TTC28: variants seen among roughly 807,000 people sequenced by gnomAD.
TTC28 encodes the protein tetratricopeptide repeat protein 28.
Under a neutral mutation model 198.0 loss-of-function variants are expected in TTC28, and 61 were observed. The observed-to-expected ratio is 0.31, with a 90% CI of 0.25 to 0.38. TTC28 has a LOEUF of 0.38. Ranked by LOEUF, TTC28 falls within the 10% of genes least tolerant of loss-of-function variation. The pLI, the probability that TTC28 is intolerant of heterozygous loss-of-function variation, is 1.00. For synonymous variants in TTC28, 1,171 were observed against 1,297.8 expected, an observed-to-expected ratio of 0.90 and a Z score of 2.10; for missense variants, 2,678 against 3,164.0, an observed-to-expected ratio of 0.85 and a Z score of 3.69.
At chr22:28,384,431 C>T (rs184218450) in intron 2 of TTC28, among the ~76,000 whole-genome samples, 130 of 152,252 alleles carry the variant, frequency 8.5e-4, no homozygotes, top group Middle Eastern at 3.4e-3. Flanking sequence ...CTTTATTCTT[C>T]TTCTGAGTAC....
chr22:28,462,815 T>A (rs2047967885), intron 2 of TTC28, among the ~76,000 whole-genome samples: 1 of 152,138 alleles, frequency 6.6e-6, no homozygotes, highest in Non-Finnish European at 1.5e-5. Context: ...AGAACACAGA[T>A]CATTAGGTCC....
At chr22:28,106,241 C>G (rs1942298257) in intron 7 of TTC28, among the ~76,000 whole-genome samples, 1 of 152,188 alleles carries the variant, frequency 6.6e-6, no homozygotes, top group South Asian at 2.1e-4. Context: ...TGCCCTTCCT[C>G]CACTCCAGGA....
chr22:28,527,059 A>G (rs952486512), intron 2 of TTC28, among the ~76,000 whole-genome samples: 6 of 152,086 alleles, frequency 3.9e-5, no homozygotes, highest in Non-Finnish European at 8.8e-5. Flanking sequence ...CACCCAGCCT[A>G]TTCTAGGTTT....
intron 17 of TTC28, among the ~76,000 whole-genome samples, chr22:27,993,779 C>G (rs1344408622): frequency 6.6e-6 from 1 of 152,156 alleles, no homozygotes; most frequent in Admixed American, 6.5e-5. Context: ...CCTAAACCAA[C>G]CCCTTCCACA....
chr22:28,426,722 G>A lies in TTC28; in HGVS notation c.382-120079C>T, dbSNP rs575663698. On this transcript the variant is annotated intron_variant, in intron 2 of 22. Transcript: ENST00000397906. ...CAAGACAAGGGCTGAGAGACTCAAC[G>A]ACCTTCCTTGACCTCCCCTCTAATC... Among the ~76,000 whole-genome samples the A allele has an allele frequency of 1.4e-3, 214 of 152,158 alleles. 1 individual carries two copies. The highest frequency in any genetic ancestry group is 3.8e-3 in the African/African-American group (158 of 41,526).
intron 1 of TTC28, among the ~76,000 whole-genome samples, chr22:28,648,221 C>CAAAAAAAAAAAAAAAAA (rs34510876): frequency 1.6e-5 from 1 of 62,486 alleles, no homozygotes; most frequent in African/African-American, 5.9e-5. Context: ...GAGACTCTGT[C>CAAAAAAAAAAAAAAAAA]AAAAAAAAAA....
chr22:27,987,462 T>C (rs1401321351), intron 21 of TTC28, among the ~76,000 whole-genome samples: 1 of 152,228 alleles, frequency 6.6e-6, no homozygotes, highest in Non-Finnish European at 1.5e-5. Flanking sequence ...CCAGGTGCGG[T>C]GGCTCACGCC....
At chr22:28,057,980 T>C (rs1270213436) in intron 12 of TTC28, among the ~76,000 whole-genome samples, 1 of 152,322 alleles carries the variant, frequency 6.6e-6, no homozygotes, top group East Asian at 1.9e-4. Context: ...CCACACTGTC[T>C]TGATTACTAT....
chr22:28,642,663 A>G (rs1352711629), intron 1 of TTC28, among the ~76,000 whole-genome samples: 1 of 152,158 alleles, frequency 6.6e-6, no homozygotes, highest in Non-Finnish European at 1.5e-5. Context: ...CTCTAGAGAA[A>G]ACAAAATTAA....
intron 2 of TTC28, among the ~76,000 whole-genome samples, chr22:28,578,013 C>A (rs1405611724): frequency 6.6e-6 from 1 of 151,968 alleles, no homozygotes; most frequent in Non-Finnish European, 1.5e-5. Flanking sequence ...TATGTGTTTT[C>A]TGGTTGTTTT....
intron 6 of TTC28, among the ~76,000 whole-genome samples, chr22:28,153,259 C>T (rs1943651666): frequency 6.6e-6 from 1 of 151,810 alleles, no homozygotes; most frequent in Admixed American, 6.6e-5. Flanking sequence ...TATATAACCA[C>T]CACAATTGCT....
chr22:28,197,278 G>GGGGGA (rs1457498226), intron 5 of TTC28, among the ~76,000 whole-genome samples: 8 of 120,348 alleles, frequency 6.6e-5, no homozygotes, highest in Non-Finnish European at 1.0e-4. Context: ...TTGTGGGGTG[G>GGGGGA]GGGGAGGGGA....
intron 5 of TTC28, among the ~76,000 whole-genome samples, chr22:28,188,140 A>G (rs1473152039): frequency 6.6e-6 from 1 of 152,190 alleles, no homozygotes; most frequent in East Asian, 1.9e-4. Context: ...TTCCAGGTAA[A>G]TAGAGCAAAT....
chr22:28,638,535 T>C (rs989405599), intron 1 of TTC28, among the ~76,000 whole-genome samples: 25 of 152,048 alleles, frequency 1.6e-4, no homozygotes, highest in Middle Eastern at 3.4e-3. Context: ...GTTAAAAAAA[T>C]GCAACACATG....
At chr22:28,507,937 C>T (rs2048635646) in intron 2 of TTC28, among the ~76,000 whole-genome samples, 1 of 152,184 alleles carries the variant, frequency 6.6e-6, no homozygotes, top group South Asian at 2.1e-4. Flanking sequence ...AAACCACTAC[C>T]AGCCACTACA....
chr22:27,982,737 G>A lies in TTC28; in HGVS notation c.6930C>T (p.Ser2310=), dbSNP rs577173665. 54 of 1,551,498 alleles carry A rather than the reference G, an allele frequency of 3.5e-5. No homozygotes were observed. Among genetic ancestry groups the A allele is most frequent in the Admixed American group, 2.5e-4 (13 of 50,996 alleles). ...CACTGCCAGCAGGAGACTGGTGGCC[G>A]GAGCTTGGGGACATGTTCCTTGGTG... ...SKSPRNMSPS[S]GHQSPAGSAP... Residue 2310 remains serine, a synonymous_variant, in exon 23 of 23, where the codon TCC becomes TCT. Coordinates refer to ENST00000397906, the MANE Select transcript of TTC28 (RefSeq NM_001145418.2). This position sits in a 1 kb window ranked among gnomAD's most constrained non-coding sequence, Gnocchi z 5.2.
At chr22:28,043,750 G>A (rs919987562) in intron 12 of TTC28, among the ~76,000 whole-genome samples, 2 of 152,106 alleles carry the variant, frequency 1.3e-5, no homozygotes, top group African/African-American at 4.8e-5. Context: ...GGAGAGGATG[G>A]GCAGGGCGGA....
chr22:28,193,470 C>G (rs926721561), intron 5 of TTC28, among the ~76,000 whole-genome samples: 7 of 152,048 alleles, frequency 4.6e-5, no homozygotes, highest in Non-Finnish European at 8.8e-5. Flanking sequence ...CTAAATGCTC[C>G]AATTAAAAGA....
chr22:28,179,571 G>A (rs1321798333), intron 5 of TTC28, among the ~76,000 whole-genome samples: 1 of 152,192 alleles, frequency 6.6e-6, no homozygotes, highest in African/African-American at 2.4e-5. Context: ...GTGACCTGCT[G>A]TGGCTAATAA....
Sources: allele counts gnomAD v4.1 joint callset (sites outside exome capture counted in the v4.1 genomes callset), GRCh38; gene constraint gnomAD v4.1.1; non-coding constraint Gnocchi (gnomAD v3.1); transcripts MANE v1.5; gene names NCBI Gene and HGNC (gene_info 2026-07-23, HGNC 2026-07-21).